Variants in THTPA observed in about 807,000 individuals in gnomAD.
THTPA encodes the protein thiamine triphosphatase.
Under a neutral mutation model 16.5 loss-of-function variants are expected in THTPA, and 16 were observed. That is an observed-to-expected ratio of 0.97 (90% CI 0.66 to 1.47). The LOEUF (loss-of-function observed/expected upper bound fraction) is 1.47. THTPA is among the 40% of genes most tolerant of loss of function. The pLI is 0.00. For synonymous variants in THTPA, 110 were observed against 115.5 expected (o/e 0.95, Z 0.30); for missense variants, 281 against 280.9 (o/e 1.00, Z 0.00).
At chr14:23,527,588 C>G in the THTPA span, 4 of 1,536,618 alleles carry the variant, frequency 2.6e-6, no homozygotes, top group Non-Finnish European at 3.5e-6. Flanking sequence ...ACCGTCCTCA[C>G]CCAGCCTGTA....
the THTPA span, chr14:23,535,287 G>A: frequency 6.8e-7 from 1 of 1,480,412 alleles, no homozygotes; most frequent in Non-Finnish European, 9.0e-7. This position sits in a 1 kb window ranked among gnomAD's most constrained non-coding sequence, Gnocchi z 4.5. Flanking sequence ...CAGGGGAGGG[G>A]GTGGTACCAG....
Position 23,558,806 on chromosome 14 carries a change from A to G in THTPA, c.659A>G (p.Gln220Arg). ...LEVNSSRERP[Q>R]ETEDPDHCLG ...GTGAACAGCTCCAGAGAGAGGCCAC[A>G]GGAGACTGAAGATCCTGACCACTGC... is the stretch of plus-strand genomic sequence containing the variant. Residue 220 changes from glutamine to arginine, a missense_variant, in exon 2 of 2, where the codon CAG becomes CGG. Gln to Arg is a conservative substitution (Grantham distance 43, BLOSUM62 1). Coordinates refer to ENST00000288014, the MANE Select transcript of THTPA (RefSeq NM_024328.6). 3 of 1,614,224 alleles carry G rather than the reference A, an allele frequency of 1.9e-6. No homozygotes were observed. Among genetic ancestry groups the G allele is most frequent in the Non-Finnish European group, 2.5e-6 (3 of 1,180,032 alleles).
chr14:23,554,283 T>C (rs1374564133), upstream of THTPA, among the ~76,000 whole-genome samples: 1 of 152,148 alleles, frequency 6.6e-6, no homozygotes, highest in African/African-American at 2.4e-5. Context: ...AAAGCAGGCT[T>C]TAGGAGCTGG....
At chr14:23,549,618 A>AAAGCAACT in the THTPA span, among the ~76,000 whole-genome samples, 2 of 152,210 alleles carry the variant, frequency 1.3e-5, no homozygotes, top group African/African-American at 4.8e-5. Flanking sequence ...AAGTGAAGAA[A>AAAGCAACT]AAGCAACTGA....
chr14:23,522,826 T>C, the THTPA span: 1 of 1,535,270 alleles, frequency 6.5e-7, no homozygotes. Context: ...AGGTGTTGGT[T>C]TGGTCGGGCA....
the THTPA span, among the ~76,000 whole-genome samples, chr14:23,527,256 C>T: frequency 7.9e-5 from 12 of 152,356 alleles, no homozygotes; most frequent in Admixed American, 1.3e-4. Flanking sequence ...CAACTCTTCT[C>T]AGGACTTAGT....
the THTPA span, chr14:23,530,908 TCTC>T: frequency 4.8e-6 from 1 of 207,990 alleles, no homozygotes; most frequent in Non-Finnish European, 9.6e-6. Flanking sequence ...TGCAGGCTCT[TCTC>T]CTGTACCCTC....
At position 23,560,149 on chromosome 14, in the gene THTPA, C is replaced by A; in HGVS notation, c.*1309C>A. Reference sequence around the variant, plus strand: ...CTGTAACTCCCCAAGTGCTGATCTCCAGATGACTCAATCCCATCTCACACT... The same window carrying A: ...CTGTAACTCCCCAAGTGCTGATCTCAAGATGACTCAATCCCATCTCACACT... On this transcript the variant is annotated 3_prime_UTR_variant, in exon 2 of 2. Transcript: ENST00000288014. The A allele has an allele frequency of 6.8e-7, 1 of 1,479,916 alleles. No individual in the cohort carries two copies. The highest frequency in any genetic ancestry group is 1.2e-5 in the South Asian group (1 of 82,602). 91.7% of individuals were successfully genotyped at this position (1,479,916 alleles called of 1,614,324 possible).
rs148978189 is a variant in THTPA at position 23,559,845 on chromosome 14, G to T, written c.*1005G>T. 2 of 1,614,072 alleles carry T rather than the reference G, an allele frequency of 1.2e-6. No homozygotes were observed. The highest frequency in any genetic ancestry group is 1.7e-5 in the Admixed American group (1 of 60,032). On this transcript the variant is annotated 3_prime_UTR_variant, in exon 2 of 2. Coordinates refer to ENST00000288014, the MANE Select transcript of THTPA (RefSeq NM_024328.6). ...AGGTGAGGCGCAGCTTTAGCCGCAGGGGGGCCTAGGAATAGGAGAGCAGGG... is the reference window on the plus strand; with the variant it reads ...AGGTGAGGCGCAGCTTTAGCCGCAGTGGGGCCTAGGAATAGGAGAGCAGGG...
chr14:23,529,990 C>T, the THTPA span: 13 of 1,063,664 alleles, frequency 1.2e-5, no homozygotes, highest in Non-Finnish European at 1.8e-5. Flanking sequence ...CCTCCCTTCC[C>T]CCTGATGAGC....
chr14:23,548,018 C>T, the THTPA span, among the ~76,000 whole-genome samples: 3 of 152,198 alleles, frequency 2.0e-5, no homozygotes, highest in South Asian at 4.1e-4. Flanking sequence ...ACAACCCTTC[C>T]CTTTTCTCAA....
At chr14:23,537,211 A>T in the THTPA span, among the ~76,000 whole-genome samples, 1 of 151,662 alleles carries the variant, frequency 6.6e-6, no homozygotes, top group East Asian at 1.9e-4. Flanking sequence ...AGCTGACAGA[A>T]GCGCCAAGGC....
chr14:23,525,819 C>T, the THTPA span: 3 of 1,462,082 alleles, frequency 2.1e-6, no homozygotes, highest in Non-Finnish European at 2.7e-6. This position sits in a 1 kb window ranked among gnomAD's most constrained non-coding sequence, Gnocchi z 5.9. Flanking sequence ...AGCTTGGGCC[C>T]CACCTTGAGA....
chr14:23,550,096 C>T, the THTPA span, among the ~76,000 whole-genome samples: 2 of 152,078 alleles, frequency 1.3e-5, no homozygotes, highest in South Asian at 2.1e-4. Context: ...TTTTGTTGTG[C>T]GAAGCTCCTG....
At chr14:23,528,772 C>G in the THTPA span, 1 of 985,350 alleles carries the variant, frequency 1.0e-6, no homozygotes, top group Non-Finnish European at 1.2e-6. Flanking sequence ...TGGCCCAGCC[C>G]TCTCAGCACA....
At chr14:23,522,745 C>T in the THTPA span, 1 of 1,536,512 alleles carries the variant, frequency 6.5e-7, no homozygotes, top group Non-Finnish European at 8.7e-7. Context: ...CTGGCTTTCG[C>T]TCACTGGAGA....
chr14:23,522,467 G>A, the THTPA span: 1 of 1,535,886 alleles, frequency 6.5e-7, no homozygotes, highest in African/African-American at 1.4e-5. Flanking sequence ...AGGGGGCTGG[G>A]GTGGCGGCTG....
At chr14:23,545,344 C>T in the THTPA span, among the ~76,000 whole-genome samples, 1 of 152,208 alleles carries the variant, frequency 6.6e-6, no homozygotes, top group African/African-American at 2.4e-5. Context: ...CACTCGTCCG[C>T]CCTCCTCAGC....
At chr14:23,552,158 C>T (rs567297063), upstream of THTPA, among the ~76,000 whole-genome samples, 121 of 152,272 alleles carry the variant, frequency 7.9e-4, no homozygotes, top group African/African-American at 2.8e-3. Context: ...ACCTTCTCTA[C>T]CGCAGCAATT....
Sources: allele counts gnomAD v4.1 joint callset (sites outside exome capture counted in the v4.1 genomes callset), GRCh38; gene constraint gnomAD v4.1.1; non-coding constraint Gnocchi (gnomAD v3.1); transcripts MANE v1.5; gene names NCBI Gene and HGNC (gene_info 2026-07-23, HGNC 2026-07-21).